The following HLA-DPB1 variants were observed in gnomAD, a reference collection of about 807,000 sequenced individuals.
HLA-DPB1 encodes HLA class II histocompatibility antigen, DP beta 1 chain.
A neutral mutation model predicts 29.4 loss-of-function variants in HLA-DPB1; 30 were observed. That is an observed-to-expected ratio of 1.02 (90% CI 0.76 to 1.38). The LOEUF (loss-of-function observed/expected upper bound fraction) is 1.38. Among genes scored for constraint, HLA-DPB1 ranks in the 40% most tolerant of loss-of-function variants. HLA-DPB1 has a pLI of 0.00. For missense variants in HLA-DPB1, 261 were observed against 327.5 expected, an observed-to-expected ratio of 0.80 and a Z score of 1.57; for synonymous variants, 114 against 134.0, an observed-to-expected ratio of 0.85 and a Z score of 1.03.
At chr6:33,086,043 A>T (rs9277481) in intron 4 of HLA-DPB1, 154 bp downstream of exon 4, 51,614 of 771,652 alleles carry the variant, frequency 0.067, 4,152 homozygotes, top group African/African-American at 0.32. Context: ...ATAGCGAGAG[A>T]GGGATCCCAG....
rs144456909 is a variant in HLA-DPB1 at position 33,076,016 on chromosome 6, T to C, written c.-26T>C. 8.3e-5 allele frequency: 132 copies of C among 1,582,240 alleles called. No homozygotes were observed. Among genetic ancestry groups the C allele is most frequent in the African/African-American group, 7.1e-4 (53 of 74,494 alleles). ...CTTCTTTTCCTGACTGCAGCTCTTT[T>C]CATTTTGCCATCCTTTTCCAGCTCC... On this transcript the variant is annotated 5_prime_UTR_variant, in exon 1 of 6. Coordinates refer to ENST00000418931, the MANE Select transcript of HLA-DPB1 (RefSeq NM_002121.6).
rs1391901595 is a variant in HLA-DPB1, at chr6:33,088,163, G to A, written c.*1629G>A. Among the ~76,000 whole-genome samples the A allele has an allele frequency of 6.6e-6, 1 of 152,180 alleles. No homozygotes were observed. The highest frequency in any genetic ancestry group is 1.5e-5 in the Non-Finnish European group (1 of 68,030). ...ATTTCAATCCAGGGATTCAACGATG[G>A]AAGGAGGTCATGAGAATAGCAGAAA... On this transcript the variant is annotated 3_prime_UTR_variant, in exon 6 of 6. Coordinates refer to ENST00000418931, the MANE Select transcript of HLA-DPB1 (RefSeq NM_002121.6).
At position 33,080,002 on chromosome 6, in the gene HLA-DPB1, C is replaced by G. The variant is rs1270903239; in HGVS notation, c.101-670C>G. On this transcript the variant is annotated intron_variant, in intron 1 of 5. Coordinates refer to ENST00000418931, the MANE Select transcript of HLA-DPB1 (RefSeq NM_002121.6). This position sits in a 1 kb window ranked among gnomAD's most constrained non-coding sequence, Gnocchi z 4.3. ...GATTTTCATTGTGTAAAATACTTTC[C>G]ACATCTTTTGACACCAAGTCTTTCT... 2 of 218,154 alleles carry G rather than the reference C, an allele frequency of 9.2e-6. No homozygotes were observed. The highest frequency in any genetic ancestry group is 1.9e-5 in the Non-Finnish European group (2 of 107,418). 13.5% of individuals were successfully genotyped at this position (218,154 alleles called of 1,614,324 possible).
chr6:33,088,917 T>C lies in HLA-DPB1; in HGVS notation c.*2383T>C, dbSNP rs9277557. ...AGCTGAGTGTTGTATCCTCCATCCC[T>C]TTCCACCTGGTCCCTTCATTTTCTA... On this transcript the variant is annotated 3_prime_UTR_variant, in exon 6 of 6. Transcript: ENST00000418931. Among the ~76,000 whole-genome samples, 38,292 of 151,846 alleles carry C rather than the reference T, an allele frequency of 0.25. 5,237 individuals are homozygous for C. The highest frequency in any genetic ancestry group is 0.63 in the East Asian group (3,225 of 5,150).
At chr6:33,086,012 A>G (rs9277479) in intron 4 of HLA-DPB1, 123 bp downstream of exon 4, 238,168 of 768,130 alleles carry the variant, frequency 0.31, 42,055 homozygotes, top group East Asian at 0.6. Context: ...ATATCAGATA[A>G]TCGGGGAACA....
rs150653868 is a variant in HLA-DPB1 at position 33,081,910 on chromosome 6, C to A, written c.364+975C>A. 2.1e-3 allele frequency: 315 copies of A among 152,608 alleles called. 1 individual carries two copies. Among genetic ancestry groups the A allele is most frequent in the Middle Eastern group, 0.014 (4 of 296 alleles). 9.5% of individuals were successfully genotyped at this position (152,608 alleles called of 1,614,324 possible). On this transcript the variant is annotated intron_variant, in intron 2 of 5. Coordinates refer to ENST00000418931, the MANE Select transcript of HLA-DPB1 (RefSeq NM_002121.6). ...AAGGCCTTGGAGCTTTGGCTTCCTC[C>A]TGTGAACTTGTGGGGTGGGGAGCCT...
At position 33,088,870 on chromosome 6, in the gene HLA-DPB1, A is replaced by G. The variant is rs1328916893; in HGVS notation, c.*2336A>G. Reference sequence around the variant, plus strand: ...AAAATTGATACCTGCAGAAGAAAAAACCCGGCGGGCTTAGGACTCCCAGCT... The same window carrying G: ...AAAATTGATACCTGCAGAAGAAAAAGCCCGGCGGGCTTAGGACTCCCAGCT... On this transcript the variant is annotated 3_prime_UTR_variant, in exon 6 of 6. Transcript: ENST00000418931. Among the ~76,000 whole-genome samples, 2 of 151,534 alleles carry G rather than the reference A, an allele frequency of 1.3e-5. No homozygotes were observed. The highest frequency in any genetic ancestry group is 4.9e-5 in the African/African-American group (2 of 41,164).
chr6:33,078,491 C>T (rs932565894), intron 1 of HLA-DPB1, among the ~76,000 whole-genome samples: 1 of 152,074 alleles, frequency 6.6e-6, no homozygotes, highest in African/African-American at 2.4e-5. Flanking sequence ...CTGAGACAAC[C>T]CATAGGGAGC....
At chr6:33,084,024 A>G (rs1762986345) in intron 2 of HLA-DPB1, 1 of 141,446 alleles carries the variant, frequency 7.1e-6, no homozygotes, top group Non-Finnish European at 1.5e-5. Context: ...TGTAAATATG[A>G]AGATTTTGAG....
chr6:33,082,289 G>A (rs1016739882), intron 2 of HLA-DPB1, among the ~76,000 whole-genome samples: 16 of 152,268 alleles, frequency 1.1e-4, no homozygotes, highest in Admixed American at 7.2e-4. Context: ...GTAATCAACT[G>A]CCAGATTGCA....
At position 33,078,831 on chromosome 6, in the gene HLA-DPB1, A is replaced by G. The variant is rs531858567; in HGVS notation, c.101-1841A>G. Among the ~76,000 whole-genome samples, 7 of 152,316 alleles carry G rather than the reference A, an allele frequency of 4.6e-5. No individual in the cohort carries two copies. The South Asian group carries it at 6.2e-4, about 14-fold the overall frequency. On this transcript the variant is annotated intron_variant, in intron 1 of 5. Coordinates refer to ENST00000418931, the MANE Select transcript of HLA-DPB1 (RefSeq NM_002121.6). Reference sequence around the variant, plus strand: ...GTTCTCTTACTGGTGATTGAGGAGGAGAAACAAAGACTAACAAATGAAAAT... The same window carrying G: ...GTTCTCTTACTGGTGATTGAGGAGGGGAAACAAAGACTAACAAATGAAAAT...
chr6:33,082,307 C>T (rs9277364), intron 2 of HLA-DPB1, among the ~76,000 whole-genome samples: 20,955 of 151,734 alleles, frequency 0.14, 1,570 homozygotes, highest in Non-Finnish European at 0.17. Flanking sequence ...GCAGACAGCC[C>T]TGATGCCAGC....
chr6:33,087,147 GA>G lies in HLA-DPB1; in HGVS notation c.*615del, dbSNP rs1562161719. On this transcript the variant is annotated 3_prime_UTR_variant, in exon 6 of 6. Coordinates refer to ENST00000418931, the MANE Select transcript of HLA-DPB1 (RefSeq NM_002121.6). ...GAGCATGTTTTATCATTACCATTAAGAAGTTAAATGAACATCAGAATTTAAA... is the reference window on the plus strand; with the variant it reads ...GAGCATGTTTTATCATTACCATTAAGAGTTAAATGAACATCAGAATTTAAA... 1 of 153,498 alleles carries G rather than the reference GA, an allele frequency of 6.5e-6. No individual in the cohort carries two copies. The highest frequency in any genetic ancestry group is 1.5e-5 in the Non-Finnish European group (1 of 68,940). The allele number at this position is 153,498 out of a possible 1,614,324, so 9.5% of individuals were successfully genotyped here. A position where few individuals can be genotyped will look rare whatever the true frequency, so the allele number is the denominator to read the frequency against.
In HLA-DPB1 at chr6:33,087,773, C is replaced by T. The variant is rs1337427159; in HGVS notation, c.*1239C>T. Among the ~76,000 whole-genome samples, 1 of 152,182 alleles carries T rather than the reference C, an allele frequency of 6.6e-6. No homozygotes were observed. The highest frequency in any genetic ancestry group is 2.4e-5 in the African/African-American group (1 of 41,426). On this transcript the variant is annotated 3_prime_UTR_variant, in exon 6 of 6. Coordinates refer to ENST00000418931, the MANE Select transcript of HLA-DPB1 (RefSeq NM_002121.6). ...GTGGGGCTGAAGGCACAGACTTGGG[C>T]GTCACTGGCACAGATATAAGTAAAT... is the stretch of plus-strand genomic sequence containing the variant.
chr6:33,082,372 G>A (rs1298257362), intron 2 of HLA-DPB1, among the ~76,000 whole-genome samples: 4 of 151,840 alleles, frequency 2.6e-5, no homozygotes, highest in Admixed American at 1.3e-4. Context: ...TCACTCCTCT[G>A]AAGACTCTTC....
chr6:33,079,921 A>C, intron 1 of HLA-DPB1: 1 of 266,230 alleles, frequency 3.8e-6, no homozygotes, highest in South Asian at 3.6e-5. Flanking sequence ...AAAAAATTAC[A>C]TCAATGCCTC....
rs375342014 is a variant in HLA-DPB1, at chr6:33,087,450, C to T, written c.*916C>T. ...CAATCCAACATTGTTATGTGTTTTG[C>T]GTCTCATATTGACACCTTTTGGTCA... On this transcript the variant is annotated 3_prime_UTR_variant, in exon 6 of 6. Transcript: ENST00000418931. Among the ~76,000 whole-genome samples, 81 of 151,030 alleles carry T rather than the reference C, an allele frequency of 5.4e-4. 1 individual carries two copies. The South Asian group carries it at 7.3e-3, about 14-fold the overall frequency.
At position 33,088,001 on chromosome 6, in the gene HLA-DPB1, T is replaced by G. The variant is rs991935488; in HGVS notation, c.*1467T>G. On this transcript the variant is annotated 3_prime_UTR_variant, in exon 6 of 6. Coordinates refer to ENST00000418931, the MANE Select transcript of HLA-DPB1 (RefSeq NM_002121.6). ...AAGGAAAATGCTGCTGACTTGTTTT[T>G]GCGTAGTAATTTCAGCTGTCACATA... Among the ~76,000 whole-genome samples, 3 of 152,220 alleles carry G rather than the reference T, an allele frequency of 2.0e-5. No homozygotes were observed. Among genetic ancestry groups the G allele is most frequent in the African/African-American group, 4.8e-5 (2 of 41,442 alleles).
At position 33,080,607 on chromosome 6, in the gene HLA-DPB1, G is replaced by C. The variant is rs1158440624; in HGVS notation, c.101-65G>C. On this transcript the variant is annotated intron_variant, in intron 1 of 5. Transcript: ENST00000418931. The surrounding 1 kb of genome is among the most constrained non-coding windows in gnomAD (Gnocchi z 4.3). The stretch of plus-strand genomic sequence containing the variant: ...TTGGGAAGAATCGTTAATATTGAGA[G>C]AGAGAGGGAGAAAGAGGATTAGATG... The C allele has an allele frequency of 3.1e-6, 5 of 1,602,310 alleles. No homozygotes were observed. Among genetic ancestry groups the C allele is most frequent in the Non-Finnish European group, 4.3e-6 (5 of 1,170,604 alleles).
Sources: allele counts gnomAD v4.1 joint callset (sites outside exome capture counted in the v4.1 genomes callset), GRCh38; gene constraint gnomAD v4.1.1; non-coding constraint Gnocchi (gnomAD v3.1); transcripts MANE v1.5; gene names NCBI Gene and HGNC (gene_info 2026-07-23, HGNC 2026-07-21).